RGS20: variants seen among roughly 807,000 people sequenced by gnomAD.
The protein encoded by RGS20 is gz-selective GTPase-activating protein.
Under a neutral mutation model 33.6 loss-of-function variants are expected in RGS20, and 30 were observed. The observed-to-expected ratio is 0.89, with a 90% CI of 0.67 to 1.21. The LOEUF is 1.21. Ranked by LOEUF, RGS20 falls within the 50% of genes most tolerant of loss-of-function variation. RGS20 has a pLI of 0.00. For synonymous variants in RGS20, 208 were observed against 197.9 expected (o/e 1.05, Z -0.43); for missense variants, 472 against 502.4 (o/e 0.94, Z 0.58).
intron 5 of RGS20, among the ~76,000 whole-genome samples, chr8:53,955,745 C>G (rs1814847458): frequency 6.6e-6 from 1 of 152,118 alleles, no homozygotes. Flanking sequence ...GCAGGAGAAT[C>G]ACTTCAACCC....
chr8:53,868,102 A>G (rs1811962148), intron 1 of RGS20, among the ~76,000 whole-genome samples: 1 of 152,200 alleles, frequency 6.6e-6, no homozygotes, highest in South Asian at 2.1e-4. Context: ...CATGTGACTA[A>G]CTGAGCTAGT....
intron 1 of RGS20, among the ~76,000 whole-genome samples, chr8:53,875,849 T>C (rs950824019): frequency 1.3e-5 from 2 of 152,232 alleles, no homozygotes; most frequent in African/African-American, 2.4e-5. Context: ...ACCTTAATAA[T>C]AGAAACATAT....
At chr8:53,883,746 G>A (rs954173502) in intron 2 of RGS20, among the ~76,000 whole-genome samples, 2 of 151,786 alleles carry the variant, frequency 1.3e-5, no homozygotes, top group African/African-American at 4.8e-5. Context: ...GGAGTTCTAG[G>A]CCAGCCTGGC....
At chr8:53,926,587 G>T (rs758555838) in intron 2 of RGS20, among the ~76,000 whole-genome samples, 2 of 152,108 alleles carry the variant, frequency 1.3e-5, no homozygotes, top group Non-Finnish European at 2.9e-5. Context: ...AAGGAATCTG[G>T]CTACCAAGTG....
At chr8:53,925,037 T>C (rs935401922) in intron 2 of RGS20, among the ~76,000 whole-genome samples, 1 of 152,220 alleles carries the variant, frequency 6.6e-6, no homozygotes, top group African/African-American at 2.4e-5. Flanking sequence ...TCTGGACTGA[T>C]GTTGCCTCTG....
chr8:53,853,828 T>G (rs900239044), intron 1 of RGS20, among the ~76,000 whole-genome samples: 3 of 152,156 alleles, frequency 2.0e-5, no homozygotes, highest in Admixed American at 2.0e-4. Flanking sequence ...ACCTACATAA[T>G]TATTGTATAT....
At chr8:53,860,596 C>CTG (rs1391743717) in intron 1 of RGS20, among the ~76,000 whole-genome samples, 1 of 152,172 alleles carries the variant, frequency 6.6e-6, no homozygotes, top group Non-Finnish European at 1.5e-5. Flanking sequence ...CCTCTAATAG[C>CTG]TGTGGCTCCA....
intron 1 of RGS20, among the ~76,000 whole-genome samples, chr8:53,875,949 T>A (rs909191056): frequency 2.6e-5 from 4 of 152,218 alleles, no homozygotes; most frequent in African/African-American, 9.6e-5. Context: ...CACCTTTCAA[T>A]CTGCATAATT....
At chr8:53,956,202 T>C (rs1042829188) in intron 5 of RGS20, among the ~76,000 whole-genome samples, 1 of 151,940 alleles carries the variant, frequency 6.6e-6, no homozygotes, top group African/African-American at 2.4e-5. Flanking sequence ...GGGAAGAGCA[T>C]GAAGTTGTGT....
At chr8:53,922,822 G>A (rs1282062212) in intron 2 of RGS20, among the ~76,000 whole-genome samples, 1 of 151,982 alleles carries the variant, frequency 6.6e-6, no homozygotes, top group African/African-American at 2.4e-5. Flanking sequence ...CCTCATGCCA[G>A]CTAATTTTTT....
chr8:53,873,582 T>C (rs1014666506), intron 1 of RGS20, among the ~76,000 whole-genome samples: 1 of 152,272 alleles, frequency 6.6e-6, no homozygotes, highest in Non-Finnish European at 1.5e-5. Flanking sequence ...CTCCTTTTTA[T>C]GGCTGAATGA....
intron 4 of RGS20, among the ~76,000 whole-genome samples, chr8:53,947,932 CTATA>C (rs534648274): frequency 1.5e-5 from 2 of 132,566 alleles, no homozygotes; most frequent in African/African-American, 2.8e-5. Flanking sequence ...TTTACATATG[CTATA>C]TATATAAGAT....
At chr8:53,915,032 T>C (rs79596009) in intron 2 of RGS20, among the ~76,000 whole-genome samples, 9,833 of 151,744 alleles carry the variant, frequency 0.065, 859 homozygotes, top group African/African-American at 0.2. Flanking sequence ...GTAATCCCAG[T>C]TACTTGAGAG....
In RGS20 at chr8:53,954,319, C is replaced by A; in HGVS notation, c.978+9C>A. 1 of 1,526,890 alleles carries A rather than the reference C, an allele frequency of 6.5e-7. No individual in the cohort carries two copies. Among genetic ancestry groups the A allele is most frequent in the Non-Finnish European group, 9.1e-7 (1 of 1,102,594 alleles). The allele number at this position is 1,526,890 out of a possible 1,614,324, so 94.6% of individuals were successfully genotyped here. A position where few individuals can be genotyped will look rare whatever the true frequency, so the allele number is the denominator to read the frequency against. ...TACTTTCTCCTAAGGAGGTATGTGACCACGAGATGCCTTTTCCCAAGGCTG... is the reference window on the plus strand; with the variant it reads ...TACTTTCTCCTAAGGAGGTATGTGAACACGAGATGCCTTTTCCCAAGGCTG... On this transcript the variant is annotated intron_variant, in intron 5 of 5. Coordinates refer to ENST00000297313, the MANE Select transcript of RGS20 (RefSeq NM_170587.4).
At chr8:53,915,444 G>A (rs1262977303) in intron 2 of RGS20, among the ~76,000 whole-genome samples, 1 of 152,098 alleles carries the variant, frequency 6.6e-6, no homozygotes, top group Non-Finnish European at 1.5e-5. Context: ...CCCCACTCCT[G>A]CCTGACCTCT....
intron 2 of RGS20, among the ~76,000 whole-genome samples, chr8:53,934,427 G>A (rs1235785841): frequency 1.3e-5 from 2 of 152,054 alleles, no homozygotes; most frequent in African/African-American, 2.4e-5. Context: ...ACAAGCAAAT[G>A]GAAAGCAAAA....
At chr8:53,902,311 T>C (rs1813053941) in intron 2 of RGS20, among the ~76,000 whole-genome samples, 1 of 152,218 alleles carries the variant, frequency 6.6e-6, no homozygotes, top group African/African-American at 2.4e-5. Context: ...CATTCTACTA[T>C]TGATGAACAT....
At chr8:53,920,875 C>T (rs1413358015) in intron 2 of RGS20, among the ~76,000 whole-genome samples, 4 of 152,224 alleles carry the variant, frequency 2.6e-5, no homozygotes, top group African/African-American at 7.2e-5. Flanking sequence ...TCTCCTGCCT[C>T]AGCCTCCTGA....
chr8:53,856,203 T>C (rs1302476415), intron 1 of RGS20, among the ~76,000 whole-genome samples: 25 of 150,562 alleles, frequency 1.7e-4, no homozygotes, highest in Non-Finnish European at 1.5e-5. Context: ...TCAGATTATT[T>C]ATTTATTTTT....
Sources: gnomAD v4.1 joint callset for allele counts (sites outside exome capture counted in the v4.1 genomes callset) on GRCh38, gnomAD v4.1.1 for gene constraint, MANE v1.5 for transcripts, NCBI Gene and HGNC (gene_info 2026-07-23, HGNC 2026-07-21) for gene names.